FKBP1A: variants seen among roughly 807,000 people sequenced by gnomAD.
The protein encoded by FKBP1A is peptidyl-prolyl cis-trans isomerase FKBP1A.
A neutral mutation model predicts 14.2 loss-of-function variants in FKBP1A; 5 were observed. That is an observed-to-expected ratio of 0.35 (90% CI 0.18 to 0.74). The LOEUF is 0.74. Among genes scored for constraint, FKBP1A ranks in the 30% least tolerant of loss-of-function variants. The pLI is 0.56. For synonymous variants in FKBP1A, 42 were observed against 49.1 expected (o/e 0.86, Z 0.60); for missense variants, 53 against 138.8 (o/e 0.38, Z 3.10).
chr20:1,381,083 G>C (rs1209134794), intron 2 of FKBP1A, among the ~76,000 whole-genome samples: 1 of 152,146 alleles, frequency 6.6e-6, no homozygotes, highest in Non-Finnish European at 1.5e-5. Context: ...ATGTCAAAAA[G>C]CACTATCTAT....
At chr20:1,390,581 T>C (rs2089723529) in intron 2 of FKBP1A, among the ~76,000 whole-genome samples, 1 of 152,334 alleles carries the variant, frequency 6.6e-6, no homozygotes, top group East Asian at 1.9e-4. Flanking sequence ...TGAAAACCCC[T>C]GGAACCTTTA....
In FKBP1A at chr20:1,386,942, A is replaced by T. The variant is rs1263695806; in HGVS notation, c.85+5892T>A. On this transcript the variant is annotated intron_variant, in intron 2 of 4. Coordinates refer to ENST00000400137, the MANE Select transcript of FKBP1A (RefSeq NM_000801.5). The surrounding 1 kb of genome is among the most constrained non-coding windows in gnomAD (Gnocchi z 4.7). Reference sequence around the variant, plus strand: ...ACAAAAAAACAGAAGAAAAAATAGAAGTAAAAATAAACAAATGTCACCATG... The same window carrying T: ...ACAAAAAAACAGAAGAAAAAATAGATGTAAAAATAAACAAATGTCACCATG... Among the ~76,000 whole-genome samples, 1 of 152,248 alleles carries T rather than the reference A, an allele frequency of 6.6e-6. No homozygotes were observed. The highest frequency in any genetic ancestry group is 1.5e-5 in the Non-Finnish European group (1 of 68,042).
chr20:1,376,196 A>G (rs926362488), intron 2 of FKBP1A, among the ~76,000 whole-genome samples: 2 of 152,172 alleles, frequency 1.3e-5, no homozygotes, highest in Admixed American at 6.5e-5. Context: ...GGATGTGGTA[A>G]GAGGAAGCTA....
intron 2 of FKBP1A, among the ~76,000 whole-genome samples, chr20:1,381,386 G>C (rs555248677): frequency 3.3e-5 from 5 of 152,182 alleles, no homozygotes; most frequent in Admixed American, 6.5e-5. Context: ...ACTAGGAAAC[G>C]CATCTACCAC....
At chr20:1,390,591 A>G (rs1034595303) in intron 2 of FKBP1A, among the ~76,000 whole-genome samples, 1 of 152,128 alleles carries the variant, frequency 6.6e-6, no homozygotes, top group African/African-American at 2.4e-5. Flanking sequence ...TGGAACCTTT[A>G]TAACCTCCAC....
At chr20:1,370,137 G>A (rs149201864) in intron 4 of FKBP1A, 65 bp from the exon 5 acceptor site, 2 of 1,526,856 alleles carry the variant, frequency 1.3e-6, no homozygotes, top group East Asian at 2.4e-5. Flanking sequence ...AGTGGCGACA[G>A]CCACGATGCC....
At chr20:1,388,264 A>G (rs912240822) in intron 2 of FKBP1A, among the ~76,000 whole-genome samples, 12 of 152,244 alleles carry the variant, frequency 7.9e-5, no homozygotes, top group African/African-American at 2.9e-4. Flanking sequence ...TACCATGAGA[A>G]AACAGTAAGA....
intron 3 of FKBP1A, among the ~76,000 whole-genome samples, 165 bp from the exon 4 acceptor site, chr20:1,372,405 G>A (rs2089478409): frequency 6.6e-6 from 1 of 152,200 alleles, no homozygotes; most frequent in South Asian, 2.1e-4. Flanking sequence ...GGACTTGGAG[G>A]TTGGCAGTCA....
At chr20:1,371,789 C>G in intron 4 of FKBP1A, 4 of 1,077,102 alleles carry the variant, frequency 3.7e-6, no homozygotes, top group Non-Finnish European at 4.5e-6. Context: ...TTCCATAGTC[C>G]TCAATTCAGT....
chr20:1,374,983 C>G (rs943848709), intron 3 of FKBP1A, among the ~76,000 whole-genome samples: 1 of 152,178 alleles, frequency 6.6e-6, no homozygotes, highest in African/African-American at 2.4e-5. Context: ...ATTACAGGCA[C>G]CTGCCACCAC....
chr20:1,371,230 C>T (rs2089460149), intron 4 of FKBP1A: 2 of 984,036 alleles, frequency 2.0e-6, no homozygotes, highest in South Asian at 4.7e-5. Flanking sequence ...ATGATTCTAA[C>T]ACTTACATGA....
chr20:1,387,222 G>GA lies in FKBP1A; in HGVS notation c.85+5611dup, dbSNP rs756065732. ...TTATATTCAATAAAGCTGTTACCAAGAAAAAAAAAGGTCATGGACCCCACT... is the reference window on the plus strand; with the variant it reads ...TTATATTCAATAAAGCTGTTACCAAGAAAAAAAAAAGGTCATGGACCCCACT... On this transcript the variant is annotated intron_variant, in intron 2 of 4. Coordinates refer to ENST00000400137, the MANE Select transcript of FKBP1A (RefSeq NM_000801.5). 4.0e-3 allele frequency among the ~76,000 whole-genome samples: 598 copies of GA among 150,460 alleles called. 5 individuals are homozygous for GA. Among genetic ancestry groups the GA allele is most frequent in the African/African-American group, 0.012 (507 of 41,006 alleles).
chr20:1,389,972 G>A (rs532858541), intron 2 of FKBP1A, among the ~76,000 whole-genome samples: 1 of 152,328 alleles, frequency 6.6e-6, no homozygotes, highest in East Asian at 1.9e-4. Flanking sequence ...TGGTACCACA[G>A]AGGTAGTGCA....
At chr20:1,385,102 C>T (rs2089655458) in intron 2 of FKBP1A, among the ~76,000 whole-genome samples, 1 of 152,036 alleles carries the variant, frequency 6.6e-6, no homozygotes, top group Non-Finnish European at 1.5e-5. Flanking sequence ...GAAAGAAATA[C>T]CACTAGGCCG....
chr20:1,386,400 A>T lies in FKBP1A; in HGVS notation c.85+6434T>A, dbSNP rs1169595695. On this transcript the variant is annotated intron_variant, in intron 2 of 4. Transcript: ENST00000400137. This position sits in a 1 kb window ranked among gnomAD's most constrained non-coding sequence, Gnocchi z 4.7. The stretch of plus-strand genomic sequence containing the variant: ...TAACTGGCCACTCATTCAAACAGTC[A>T]CTGAATAGCTACTCTATGCCAAGAC... Among the ~76,000 whole-genome samples the T allele has an allele frequency of 6.6e-6, 1 of 152,228 alleles. No individual in the cohort carries two copies. The highest frequency in any genetic ancestry group is 2.4e-5 in the African/African-American group (1 of 41,458).
At chr20:1,370,491 G>A (rs887563545) in intron 4 of FKBP1A, 10 of 977,838 alleles carry the variant, frequency 1.0e-5, no homozygotes, top group Non-Finnish European at 1.2e-5. Context: ...CTGGGCATCA[G>A]GAAAGTCTTA....
chr20:1,371,895 G>A, intron 4 of FKBP1A, 181 bp downstream of exon 4: 2 of 1,364,852 alleles, frequency 1.5e-6, no homozygotes, highest in Non-Finnish European at 1.9e-6. Flanking sequence ...TCCTTAGGGT[G>A]ACCAATTTTT....
At chr20:1,373,316 T>C (rs1161747272) in intron 3 of FKBP1A, 1 of 152,196 alleles carries the variant, frequency 6.6e-6, no homozygotes, top group East Asian at 1.9e-4. Context: ...CAGGGATTAG[T>C]CATGAGAAAT....
chr20:1,372,378 C>T (rs2089477851), intron 3 of FKBP1A, 138 bp from the exon 4 acceptor site: 4 of 806,934 alleles, frequency 5.0e-6, no homozygotes, highest in East Asian at 2.6e-5. Flanking sequence ...GCCCAGGCAT[C>T]ACCACCTCCT....
Sources: gnomAD v4.1 joint callset for allele counts (sites outside exome capture counted in the v4.1 genomes callset) on GRCh38, gnomAD v4.1.1 for gene constraint, Gnocchi (gnomAD v3.1) non-coding constraint, MANE v1.5 for transcripts, NCBI Gene and HGNC (gene_info 2026-07-23, HGNC 2026-07-21) for gene names.